The following IGF1R variants were observed in gnomAD, a reference collection of about 807,000 sequenced individuals.
IGF1R encodes the protein insulin like growth factor 1 receptor, also known as insulin-like growth factor 1 receptor.
IGF1R carries 44 observed loss-of-function variants against 144.6 expected under a neutral mutation model. The ratio of observed to expected loss-of-function variants is 0.30; its 90% confidence interval spans 0.24 to 0.39. The LOEUF is 0.39. IGF1R is among the 10% of genes least tolerant of loss of function. IGF1R has a pLI of 1.00. For synonymous variants in IGF1R, 795 were observed against 722.8 expected, an observed-to-expected ratio of 1.10 and a Z score of -1.60; for missense variants, 1,355 against 1,833.7, an observed-to-expected ratio of 0.74 and a Z score of 4.77.
chr15:98,681,607 G>C (rs923293202), intron 1 of IGF1R, among the ~76,000 whole-genome samples: 3 of 152,164 alleles, frequency 2.0e-5, no homozygotes, highest in Admixed American at 1.3e-4. Flanking sequence ...CCTCCTGCCT[G>C]GGGTGGTTGG....
intron 2 of IGF1R, among the ~76,000 whole-genome samples, chr15:98,835,117 ACCCACACACACC>A (rs2057075060): frequency 7.1e-6 from 1 of 141,460 alleles, no homozygotes; most frequent in African/African-American, 2.8e-5. Flanking sequence ...ACACCCCTAC[ACCCACACACACC>A]CACCCCTACA....
intron 2 of IGF1R, among the ~76,000 whole-genome samples, chr15:98,858,733 C>A (rs118124798): frequency 5.9e-5 from 9 of 152,192 alleles, no homozygotes; most frequent in Non-Finnish European, 1.2e-4. Flanking sequence ...CACAGCACTC[C>A]GTGGCCAGGG....
At chr15:98,843,870 G>C (rs1001833710) in intron 2 of IGF1R, among the ~76,000 whole-genome samples, 33 of 152,130 alleles carry the variant, frequency 2.2e-4, no homozygotes, top group African/African-American at 7.2e-4. Flanking sequence ...ATATTTTCAC[G>C]ATAGCAATGA....
rs1470331506 is a variant in IGF1R at position 98,959,354 on chromosome 15, C to T, written c.*1912C>T. 1.3e-5 allele frequency: 3 copies of T among 233,644 alleles called. No homozygotes were observed. The highest frequency in any genetic ancestry group is 2.5e-3 in the Middle Eastern group (2 of 808). 14.5% of individuals were successfully genotyped at this position (233,644 alleles called of 1,614,324 possible). On this transcript the variant is annotated 3_prime_UTR_variant, in exon 21 of 21. Transcript: ENST00000650285. ...GCAGCAGAGCGTGGTCCGGCAGGGCCTGTTGTGGCCCTCGCCACCCCCCTC... is the reference window on the plus strand; with the variant it reads ...GCAGCAGAGCGTGGTCCGGCAGGGCTTGTTGTGGCCCTCGCCACCCCCCTC...
chr15:98,838,751 G>T (rs116546412), intron 2 of IGF1R, among the ~76,000 whole-genome samples: 2,969 of 152,282 alleles, frequency 0.019, 102 homozygotes, highest in African/African-American at 0.067. Flanking sequence ...AAATAAGCCC[G>T]TGGCCAAAAG....
Position 98,913,216 on chromosome 15 carries a change from A to G in IGF1R, c.1762A>G (p.Met588Val), listed in dbSNP as rs927339129. ...TTACGTCAAGGCTGTGACCCTCACC[A>G]TGGTGGAGAACGACCATATCCGTGG... ...AVYVKAVTLTMVENDHIRGAK... is the reference protein window; with the variant it reads ...AVYVKAVTLTVVENDHIRGAK... Residue 588 changes from methionine (M) to valine (V), a missense_variant, in exon 8 of 21, where the codon ATG (methionine) becomes GTG (valine). Physicochemically the swap from Met to Val is conservative, Grantham distance 21. Around this residue, in one of 7 missense-constraint regions of IGF1R, gnomAD observed 880 missense variants for 1,202.7 expected, o/e 0.73. Coordinates refer to ENST00000650285, the MANE Select transcript of IGF1R (RefSeq NM_000875.5). 45 of 1,614,196 alleles carry G rather than the reference A, an allele frequency of 2.8e-5. No individual in the cohort carries two copies. The highest frequency in any genetic ancestry group is 1.6e-4 in the Middle Eastern group (1 of 6,062).
chr15:98,683,279 G>A (rs1428157467), intron 1 of IGF1R, among the ~76,000 whole-genome samples: 1 of 152,126 alleles, frequency 6.6e-6, no homozygotes, highest in Non-Finnish European at 1.5e-5. Flanking sequence ...ATACACCTCC[G>A]TGATTCCTCA....
chr15:98,885,402 C>T (rs1004289358), intron 2 of IGF1R, among the ~76,000 whole-genome samples: 4 of 152,200 alleles, frequency 2.6e-5, no homozygotes, highest in Admixed American at 1.3e-4. Context: ...ACCCCTCTCC[C>T]TTTCCTTCTC....
intron 2 of IGF1R, among the ~76,000 whole-genome samples, chr15:98,888,615 T>C (rs2013758654): frequency 6.6e-6 from 1 of 152,194 alleles, no homozygotes; most frequent in African/African-American, 2.4e-5. Context: ...TAACTCCTTA[T>C]TACTTGTGGG....
chr15:98,788,917 A>G (rs1194588400), intron 2 of IGF1R, among the ~76,000 whole-genome samples: 1 of 151,246 alleles, frequency 6.6e-6, no homozygotes, highest in Admixed American at 6.6e-5. Flanking sequence ...TTTTTTTTTC[A>G]GCTGATGAAA....
Position 98,752,493 on chromosome 15 carries a change from C to T in IGF1R, c.640+44386C>T, listed in dbSNP as rs997908274. On this transcript the variant is annotated intron_variant, in intron 2 of 20. Coordinates refer to ENST00000650285, the MANE Select transcript of IGF1R (RefSeq NM_000875.5). The stretch of plus-strand genomic sequence containing the variant: ...GGCCAGGAGATCGAGACCATCCTAA[C>T]GCGGTGAAACCCCGTCTCTACTAAA... Among the ~76,000 whole-genome samples the T allele has an allele frequency of 1.2e-4, 18 of 152,086 alleles. No homozygotes were observed. In the South Asian group the frequency reaches 1.2e-3, roughly 11 times the overall value.
chr15:98,775,524 A>C (rs921429039), intron 2 of IGF1R, among the ~76,000 whole-genome samples: 1 of 151,978 alleles, frequency 6.6e-6, no homozygotes, highest in Admixed American at 6.6e-5. Context: ...GCCTCCTACC[A>C]CTGCCACCAC....
chr15:98,897,227 G>A (rs1346477921), intron 4 of IGF1R: 3 of 345,972 alleles, frequency 8.7e-6, no homozygotes, highest in African/African-American at 6.3e-5. Flanking sequence ...TGGATCAGAC[G>A]TGTGACTCAG....
chr15:98,835,182 A>G (rs185606108), intron 2 of IGF1R, among the ~76,000 whole-genome samples: 7 of 132,940 alleles, frequency 5.3e-5, no homozygotes, highest in South Asian at 2.3e-4. Flanking sequence ...TTCCCACACA[A>G]ACCTACACCC....
intron 1 of IGF1R, among the ~76,000 whole-genome samples, chr15:98,691,639 A>G (rs988018448): frequency 2.6e-5 from 4 of 152,140 alleles, no homozygotes; most frequent in African/African-American, 9.7e-5. Context: ...CTAAGATTAC[A>G]GGTGTGAGCC....
intron 2 of IGF1R, among the ~76,000 whole-genome samples, chr15:98,850,865 C>T (rs1318890899): frequency 6.7e-6 from 1 of 149,984 alleles, no homozygotes; most frequent in Non-Finnish European, 1.5e-5. Flanking sequence ...AAATGTTTGG[C>T]AAGACTTGAT....
At chr15:98,784,068 G>A (rs1336811130) in intron 2 of IGF1R, among the ~76,000 whole-genome samples, 2 of 132,668 alleles carry the variant, frequency 1.5e-5, no homozygotes, top group Non-Finnish European at 3.1e-5. Flanking sequence ...TCTGGCTTCC[G>A]GGTTCAAGCG....
rs951941410 is a variant in IGF1R, at chr15:98,915,968, T to A, written c.1833T>A (p.Pro611=). The A allele has an allele frequency of 5.6e-6, 9 of 1,613,872 alleles. No homozygotes were observed. The highest frequency in any genetic ancestry group is 7.6e-6 in the Non-Finnish European group (9 of 1,179,826). The change falls in exon 9 of 21, where the codon CCT becomes CCA. Residue 611 remains proline, a synonymous_variant. Transcript: ENST00000650285. ...ILYIRTNASV[P]SIPLDVLSAS... ...GTTCTTTGTTCCCCTCTCCAGTTCC[T>A]TCCATTCCCTTGGACGTTCTTTCAG...
Position 98,846,985 on chromosome 15 carries a change from C to CT in IGF1R, c.641-44332dup, listed in dbSNP as rs1008354304. 9.2e-5 allele frequency among the ~76,000 whole-genome samples: 14 copies of CT among 151,936 alleles called. No homozygotes were observed. In the South Asian group the frequency reaches 1.0e-3, roughly 11 times the overall value. On this transcript the variant is annotated intron_variant, in intron 2 of 20. Transcript: ENST00000650285. ...AAAGGCGGAACAGTTCACTCTTTTTCTTTTTTTTGGACACAAATTCTCACT... is the reference window on the plus strand; with the variant it reads ...AAAGGCGGAACAGTTCACTCTTTTTCTTTTTTTTTGGACACAAATTCTCACT...
Sources: gnomAD v4.1 joint callset for allele counts (sites outside exome capture counted in the v4.1 genomes callset) on GRCh38, gnomAD v4.1.1 for gene constraint, gnomAD v4.1.1 regional missense constraint, MANE v1.5 for transcripts, NCBI Gene and HGNC (gene_info 2026-07-23, HGNC 2026-07-21) for gene names.